Variants in PRPF40B observed in about 807,000 individuals in gnomAD.
The protein encoded by PRPF40B is pre-mRNA processing factor 40B.
A neutral mutation model predicts 124.5 loss-of-function variants in PRPF40B; 56 were observed. The observed-to-expected ratio is 0.45, with a 90% CI of 0.36 to 0.56. PRPF40B has a LOEUF of 0.56. Among genes scored for constraint, PRPF40B ranks in the 20% least tolerant of loss-of-function variants. The pLI, the probability that PRPF40B is intolerant of heterozygous loss-of-function variation, is 0.00. For synonymous variants in PRPF40B, 443 were observed against 426.4 expected (o/e 1.04, Z -0.48); for missense variants, 1,053 against 1,169.5 (o/e 0.90, Z 1.45).
At position 49,631,785 on chromosome 12, in the gene PRPF40B, C is replaced by T; in HGVS notation, c.229-75C>T. ...ATGGCTCCAGTGAGATGTCTCAGGA[C>T]CCTTTGAGGTACCCTGTCCCTCCTG... On this transcript the variant is annotated intron_variant, in intron 3 of 25. Transcript: ENST00000548825. The surrounding 1 kb of genome is among the most constrained non-coding windows in gnomAD (Gnocchi z 4.3). The T allele has an allele frequency of 1.4e-6, 2 of 1,441,924 alleles. No homozygotes were observed. The highest frequency in any genetic ancestry group is 2.3e-4 in the Middle Eastern group (1 of 4,358). 89.3% of individuals were successfully genotyped at this position (1,441,924 alleles called of 1,614,324 possible).
chr12:49,628,384 C>G (rs1209484653), intron 1 of PRPF40B, among the ~76,000 whole-genome samples: 1 of 151,980 alleles, frequency 6.6e-6, no homozygotes, highest in African/African-American at 2.4e-5. Context: ...CCTCAGCCTC[C>G]CCAGTAGCTG....
chr12:49,624,168 T>C, intron 1 of PRPF40B: 5 of 985,544 alleles, frequency 5.1e-6, no homozygotes, highest in Non-Finnish European at 6.0e-6. Context: ...TGTGTGACCT[T>C]GGGCAAGTCA....
At position 49,642,009 on chromosome 12, in the gene PRPF40B, G is replaced by A. The variant is rs1453341704; in HGVS notation, c.1869G>A (p.Lys623=). The stretch of plus-strand genomic sequence containing the variant: ...CCGCACTGGACGCAGGCAACATCAA[G>A]CTGACCTTCAATAGTGTGAGGGGCT... The part of the protein sequence containing the change: ...RAAALDAGNI[K]LTFNSLLEKA... The change falls in exon 19 of 26, where the codon AAG becomes AAA. Residue 623 remains lysine, a synonymous_variant. Coordinates refer to ENST00000548825, the MANE Select transcript of PRPF40B (RefSeq NM_001031698.3). The surrounding 1 kb of genome is among the most constrained non-coding windows in gnomAD (Gnocchi z 5.8). The A allele has an allele frequency of 2.5e-6, 4 of 1,612,890 alleles. No individual in the cohort carries two copies. The highest frequency in any genetic ancestry group is 3.4e-6 in the Non-Finnish European group (4 of 1,180,044).
At position 49,635,241 on chromosome 12, in the gene PRPF40B, A is replaced by G; in HGVS notation, c.1144A>G (p.Met382Val). 1.9e-6 allele frequency: 3 copies of G among 1,613,746 alleles called. No homozygotes were observed. Among genetic ancestry groups the G allele is most frequent in the Non-Finnish European group, 2.5e-6 (3 of 1,179,792 alleles). ...LQHFLEQHER[M>V]TSTTRYRRAE... ...GCATTTCCTGGAGCAGCATGAACGCATGACCTCCACCACCCGCTACCGGTC... is the reference window on the plus strand; with the variant it reads ...GCATTTCCTGGAGCAGCATGAACGCGTGACCTCCACCACCCGCTACCGGTC... The change falls in exon 13 of 26, where the codon ATG (methionine) becomes GTG (valine). Residue 382 changes from methionine (M) to valine (V), a missense_variant. Met to Val is a conservative substitution (Grantham distance 21, BLOSUM62 1). Around this residue, in one of 2 missense-constraint regions of PRPF40B, gnomAD observed 895 missense variants for 1,052.2 expected, o/e 0.85. Coordinates refer to ENST00000548825, the MANE Select transcript of PRPF40B (RefSeq NM_001031698.3). The surrounding 1 kb of genome is among the most constrained non-coding windows in gnomAD (Gnocchi z 4.1).
intron 7 of PRPF40B, 124 bp from the exon 8 acceptor site, chr12:49,633,303 T>C: frequency 7.0e-7 from 1 of 1,428,966 alleles, no homozygotes; most frequent in Non-Finnish European, 9.6e-7. Context: ...CTTCCCCAGT[T>C]TGAACCAGGC....
At chr12:49,633,714 A>C in intron 9 of PRPF40B, 53 bp downstream of exon 9, 1 of 1,613,424 alleles carries the variant, frequency 6.2e-7, no homozygotes, top group South Asian at 1.1e-5. Context: ...GGAGTGTGGA[A>C]GTAGACTCTG....
intron 5 of PRPF40B, 66 bp from the exon 6 acceptor site, chr12:49,632,789 G>T (rs1941352305): frequency 1.2e-6 from 2 of 1,609,422 alleles, no homozygotes; most frequent in African/African-American, 1.3e-5. Context: ...AATACGGGAG[G>T]CATAGGTGGG....
chr12:49,631,987 A>T lies in PRPF40B; in HGVS notation c.294+62A>T. On this transcript the variant is annotated intron_variant, in intron 4 of 25. Coordinates refer to ENST00000548825, the MANE Select transcript of PRPF40B (RefSeq NM_001031698.3). This position sits in a 1 kb window ranked among gnomAD's most constrained non-coding sequence, Gnocchi z 4.3. ...CTGCAGTCCCGTGAGTCTGACTTGG[A>T]ATGCAGGACTATGACCTCCATTCTT... The T allele has an allele frequency of 6.7e-7, 1 of 1,494,472 alleles. No homozygotes were observed. The allele number at this position is 1,494,472 out of a possible 1,614,324, so 92.6% of individuals were successfully genotyped here.
At chr12:49,623,841 G>A in intron 1 of PRPF40B, 2 of 1,094,486 alleles carry the variant, frequency 1.8e-6, no homozygotes, top group Non-Finnish European at 2.2e-6. Context: ...GCGGGACTGG[G>A]TGAAGAGTGG....
chr12:49,639,645 T>C (rs1942328369), intron 18 of PRPF40B: 1 of 152,150 alleles, frequency 6.6e-6, no homozygotes, highest in South Asian at 2.1e-4. Context: ...ATAAAGGTTC[T>C]ACATAAGATT....
Position 49,630,599 on chromosome 12 carries a change from G to A in PRPF40B, c.58G>A (p.Gly20Arg). 1 of 1,357,894 alleles carries A rather than the reference G, an allele frequency of 7.4e-7. No individual in the cohort carries two copies. 84.1% of individuals were successfully genotyped at this position (1,357,894 alleles called of 1,614,324 possible). Residue 20 changes from glycine to arginine, a missense_variant, in exon 2 of 26, where the codon GGG (glycine) becomes AGG (arginine). Transcript: ENST00000548825. Reference protein sequence around the residue: ...PPAAPAPFPPGPPMMPPPFMP... With the variant: ...PPAAPAPFPPRPPMMPPPFMP... ...AGCAGCGCCTGCCCCCTTCCCACCG[G>A]GGCCCCCCATGATGCCACCACCCTT...
intron 23 of PRPF40B, 135 bp from the exon 24 acceptor site, chr12:49,643,556 G>A: frequency 7.3e-7 from 1 of 1,363,280 alleles, no homozygotes; most frequent in South Asian, 1.5e-5. Context: ...CAAGAAGCTG[G>A]AGAAGGAAAA....
rs759371080 is a variant in PRPF40B at position 49,635,248 on chromosome 12, C to T, written c.1151C>T (p.Ser384Phe). The part of the protein sequence containing the change: ...HFLEQHERMT[S>F]TTRYRRAEQT... ...CTGGAGCAGCATGAACGCATGACCT[C>T]CACCACCCGCTACCGGTCAGGGGGC... The change falls in exon 13 of 26, where the codon TCC becomes TTC. Residue 384 changes from serine (S) to phenylalanine (F), a missense_variant. This residue lies in a region of PRPF40B where 895 missense variants were observed against 1,052.2 expected (regional missense o/e 0.85). Transcript: ENST00000548825. The surrounding 1 kb of genome is among the most constrained non-coding windows in gnomAD (Gnocchi z 4.1). 6.2e-7 allele frequency: 1 copy of T among 1,613,436 alleles called. No individual in the cohort carries two copies. The highest frequency in any genetic ancestry group is 8.5e-7 in the Non-Finnish European group (1 of 1,179,658).
chr12:49,631,804 C>G lies in PRPF40B; in HGVS notation c.229-56C>G. On this transcript the variant is annotated intron_variant, in intron 3 of 25. Transcript: ENST00000548825. The surrounding 1 kb of genome is among the most constrained non-coding windows in gnomAD (Gnocchi z 4.3). Reference sequence around the variant, plus strand: ...TCAGGACCCTTTGAGGTACCCTGTCCCTCCTGTTCCAGCCCTTACCTTGGT... The same window carrying G: ...TCAGGACCCTTTGAGGTACCCTGTCGCTCCTGTTCCAGCCCTTACCTTGGT... 6.5e-7 allele frequency: 1 copy of G among 1,538,380 alleles called. No individual in the cohort carries two copies. Among genetic ancestry groups the G allele is most frequent in the Non-Finnish European group, 9.0e-7 (1 of 1,112,264 alleles).
rs997590671 is a variant in PRPF40B, at chr12:49,642,828, T to C, written c.2119-102T>C. Reference sequence around the variant, plus strand: ...AGGATCCCTGGGATAGGCAGAAGGCTCTAGTCTGAGAAAGGGAGGCAAAGC... The same window carrying C: ...AGGATCCCTGGGATAGGCAGAAGGCCCTAGTCTGAGAAAGGGAGGCAAAGC... On this transcript the variant is annotated intron_variant, in intron 21 of 25. Transcript: ENST00000548825. This position sits in a 1 kb window ranked among gnomAD's most constrained non-coding sequence, Gnocchi z 5.8. 2.1e-6 allele frequency: 3 copies of C among 1,446,414 alleles called. No individual in the cohort carries two copies. The African/African-American group carries it at 4.2e-5, about 20-fold the overall frequency. The allele number at this position is 1,446,414 out of a possible 1,614,324, so 89.6% of individuals were successfully genotyped here.
rs1941175719 is a variant in PRPF40B, at chr12:49,631,055, G to C, written c.85-346G>C. Among the ~76,000 whole-genome samples the C allele has an allele frequency of 2.0e-5, 3 of 152,336 alleles. No homozygotes were observed. The South Asian group carries it at 6.2e-4, about 32-fold the overall frequency. Reference sequence around the variant, plus strand: ...GGGGTACTTGGGTACCTGGATACCTGCCTTCTGCCCCTTCATCTGAGAGGC... The same window carrying C: ...GGGGTACTTGGGTACCTGGATACCTCCCTTCTGCCCCTTCATCTGAGAGGC... On this transcript the variant is annotated intron_variant, in intron 2 of 25. Coordinates refer to ENST00000548825, the MANE Select transcript of PRPF40B (RefSeq NM_001031698.3). The surrounding 1 kb of genome is among the most constrained non-coding windows in gnomAD (Gnocchi z 4.3).
chr12:49,623,715 G>A, intron 1 of PRPF40B, 122 bp downstream of exon 1: 1 of 1,220,018 alleles, frequency 8.2e-7, no homozygotes, highest in Non-Finnish European at 1.0e-6. Flanking sequence ...GGGAGGGCGA[G>A]GGAGGCCAAG....
intron 2 of PRPF40B, 44 bp downstream of exon 2, chr12:49,630,669 A>T (rs755877375): frequency 2.6e-6 from 2 of 770,752 alleles, no homozygotes; most frequent in Non-Finnish European, 4.7e-6. Context: ...TCCAGCCTGC[A>T]CCCCCAACTC....
In PRPF40B at chr12:49,632,995, T is replaced by TGGGGGGGGGCCG; in HGVS notation, c.349-18_349-17insGGGGGGGGCCGG. ...AAAAGGGGCCTTGACCACCATTCTGTGCCCCCCCCCCCACCCAGAGGGCCC... is the reference window on the plus strand; with the variant it reads ...AAAAGGGGCCTTGACCACCATTCTGTGGGGGGGGGCCGGCCCCCCCCCCCACCCAGAGGGCCC... On this transcript the variant is annotated intron_variant, in intron 6 of 25. Transcript: ENST00000548825. The TGGGGGGGGGCCG allele has an allele frequency of 7.3e-7, 1 of 1,365,460 alleles. No individual in the cohort carries two copies. The highest frequency in any genetic ancestry group is 1.0e-6 in the Non-Finnish European group (1 of 979,278). 84.6% of individuals were successfully genotyped at this position (1,365,460 alleles called of 1,614,324 possible).
Sources: gnomAD v4.1 joint callset for allele counts (sites outside exome capture counted in the v4.1 genomes callset) on GRCh38, gnomAD v4.1.1 for gene constraint, gnomAD v4.1.1 regional missense constraint, Gnocchi (gnomAD v3.1) non-coding constraint, MANE v1.5 for transcripts, NCBI Gene and HGNC (gene_info 2026-07-23, HGNC 2026-07-21) for gene names.